PALM2AKAP2: variants seen among roughly 807,000 people sequenced by gnomAD.
The protein encoded by PALM2AKAP2 is PALM2 and AKAP2 fusion.
A neutral mutation model predicts 71.5 loss-of-function variants in PALM2AKAP2; 37 were observed. That is an observed-to-expected ratio of 0.52 (90% CI 0.40 to 0.68). PALM2AKAP2 has a LOEUF of 0.68. PALM2AKAP2 is among the 30% of genes least tolerant of loss of function. The pLI is 0.00. For missense variants in PALM2AKAP2, 1,224 were observed against 1,191.8 expected, an observed-to-expected ratio of 1.03 and a Z score of -0.40; for synonymous variants, 468 against 478.8, an observed-to-expected ratio of 0.98 and a Z score of 0.29.
chr9:109,998,783 G>A (rs7020126), intron 6 of PALM2AKAP2, among the ~76,000 whole-genome samples: 101,258 of 141,202 alleles, frequency 0.72, 35,958 homozygotes, highest in Middle Eastern at 0.79. Context: ...AAAAAAAAAA[G>A]GGGGGATAGT....
exon 3 of PALM2AKAP2, chr9:110,156,349 C>G (rs1345614902): frequency 1.2e-6 from 2 of 1,600,462 alleles, no homozygotes; most frequent in Non-Finnish European, 1.7e-6. Context: ...CCTCCTCCAT[C>G]CCCCACCACT....
At chr9:109,880,565 G>A in exon 3 of PALM2AKAP2, 1 of 1,612,946 alleles carries the variant, frequency 6.2e-7, no homozygotes, top group African/African-American at 1.3e-5. Context: ...AAGTGCTTCG[G>A]GAGAAATGGC....
At chr9:110,031,433 G>A (rs1456596558) in intron 7 of PALM2AKAP2, among the ~76,000 whole-genome samples, 4 of 152,134 alleles carry the variant, frequency 2.6e-5, no homozygotes, top group Non-Finnish European at 4.4e-5. Context: ...CCCCACCAGA[G>A]TGTGAGTTTT....
chr9:110,155,926 C>T (rs1273038814), intron 2 of PALM2AKAP2, among the ~76,000 whole-genome samples: 1 of 152,220 alleles, frequency 6.6e-6, no homozygotes, highest in Non-Finnish European at 1.5e-5. Context: ...GGCAGAGCCT[C>T]AAGCGCTTTC....
chr9:110,039,117 CACA>C lies in PALM2AKAP2; in HGVS notation c.582+23079_582+23081del, dbSNP rs1833469680. On this transcript the variant is annotated intron_variant, in intron 7 of 9. Transcript: ENST00000302798. ...TACAAAAATTAGCCAGGCATGCTGG[CACA>C]TGCCTATAGACCCAGCTACGCAGGA... Among the ~76,000 whole-genome samples the C allele has an allele frequency of 6.6e-5, 10 of 151,778 alleles. No individual in the cohort carries two copies. In the South Asian group the frequency reaches 2.1e-3, roughly 32 times the overall value.
chr9:109,844,551 G>T (rs1828797352), intron 1 of PALM2AKAP2, among the ~76,000 whole-genome samples: 2 of 152,228 alleles, frequency 1.3e-5, no homozygotes, highest in African/African-American at 2.4e-5. Flanking sequence ...GCTGGGTAAT[G>T]AATAGATGGA....
At chr9:110,039,280 T>C (rs531733100) in intron 7 of PALM2AKAP2, among the ~76,000 whole-genome samples, 3 of 152,288 alleles carry the variant, frequency 2.0e-5, no homozygotes, top group Non-Finnish European at 4.4e-5. Flanking sequence ...AGAAAATTCA[T>C]AATATACAAT....
At chr9:109,801,510 T>C (rs1564155197) in intron 1 of PALM2AKAP2, among the ~76,000 whole-genome samples, 1 of 152,226 alleles carries the variant, frequency 6.6e-6, no homozygotes, top group Non-Finnish European at 1.5e-5. Flanking sequence ...AAAATGTTTT[T>C]GTTTTACTTT....
At chr9:109,795,887 C>T (rs370542927) in intron 1 of PALM2AKAP2, among the ~76,000 whole-genome samples, 2 of 152,302 alleles carry the variant, frequency 1.3e-5, no homozygotes, top group African/African-American at 4.8e-5. Flanking sequence ...CACAGAGTGC[C>T]ATATGGGCGA....
chr9:109,875,564 A>G (rs1469635295), intron 2 of PALM2AKAP2, among the ~76,000 whole-genome samples: 1 of 152,190 alleles, frequency 6.6e-6, no homozygotes, highest in Non-Finnish European at 1.5e-5. Context: ...CCATTGAGAA[A>G]GCTTGTGTAT....
intron 1 of PALM2AKAP2, among the ~76,000 whole-genome samples, chr9:109,804,953 G>A (rs1827532846): frequency 6.6e-6 from 1 of 152,092 alleles, no homozygotes; most frequent in African/African-American, 2.4e-5. Flanking sequence ...TATATTTGTA[G>A]TTATGCTCTC....
intron 1 of PALM2AKAP2, among the ~76,000 whole-genome samples, chr9:110,081,876 C>T (rs1414404302): frequency 1.3e-5 from 2 of 152,096 alleles, no homozygotes; most frequent in Non-Finnish European, 2.9e-5. Context: ...AAAGCCCCTA[C>T]CTCTCCAAAC....
At chr9:109,691,905 CACACACAT>C (rs1164418599) in intron 1 of PALM2AKAP2, among the ~76,000 whole-genome samples, 1,492 of 57,084 alleles carry the variant, frequency 0.026, 37 homozygotes, top group Middle Eastern at 0.074. Flanking sequence ...TATATATACA[CACACACAT>C]ATATATATAT....
chr9:109,840,114 A>G (rs1475057676), intron 1 of PALM2AKAP2, among the ~76,000 whole-genome samples: 1 of 152,244 alleles, frequency 6.6e-6, no homozygotes, highest in Non-Finnish European at 1.5e-5. Context: ...ACTTCAAACT[A>G]TACTACAAGG....
intron 3 of PALM2AKAP2, among the ~76,000 whole-genome samples, chr9:109,922,629 C>T (rs191064193): frequency 1.3e-5 from 2 of 152,146 alleles, no homozygotes; most frequent in African/African-American, 2.4e-5. Context: ...AGAGGCACAG[C>T]AATCTAGAGT....
At chr9:109,702,173 G>A (rs1005274652) in intron 1 of PALM2AKAP2, among the ~76,000 whole-genome samples, 1 of 152,026 alleles carries the variant, frequency 6.6e-6, no homozygotes, top group Non-Finnish European at 1.5e-5. Flanking sequence ...CATTGTGAAA[G>A]TCAGTGTGGC....
intron 3 of PALM2AKAP2, among the ~76,000 whole-genome samples, chr9:109,917,615 A>G (rs1445554815): frequency 6.6e-6 from 1 of 151,452 alleles, no homozygotes; most frequent in Non-Finnish European, 1.5e-5. Context: ...TAGCCTCCAG[A>G]GTAGCTAGAA....
intron 1 of PALM2AKAP2, among the ~76,000 whole-genome samples, chr9:109,683,449 G>A (rs1317507766): frequency 6.6e-6 from 1 of 152,128 alleles, no homozygotes; most frequent in African/African-American, 2.4e-5. Flanking sequence ...GGGACAGAAA[G>A]GATTGCTAAC....
chr9:109,777,559 G>C (rs765100832), upstream of PALM2AKAP2, among the ~76,000 whole-genome samples: 2 of 152,078 alleles, frequency 1.3e-5, no homozygotes, highest in Admixed American at 6.5e-5. Context: ...CTGATCTCTC[G>C]CTCATCCCCA....
Sources: gnomAD v4.1 joint callset for allele counts (sites outside exome capture counted in the v4.1 genomes callset) on GRCh38, gnomAD v4.1.1 for gene constraint, MANE v1.5 for transcripts, NCBI Gene and HGNC (gene_info 2026-07-23, HGNC 2026-07-21) for gene names.